The following NKAIN3 variants were observed in gnomAD, a reference collection of about 807,000 sequenced individuals.
NKAIN3 encodes the protein sodium/potassium-transporting ATPase subunit beta-1-interacting protein 3.
In NKAIN3, 25 loss-of-function variants were observed where a neutral mutation model predicts 30.2. The observed-to-expected ratio is 0.83, with a 90% CI of 0.60 to 1.16. The LOEUF is 1.16. Among genes scored for constraint, NKAIN3 ranks in the 50% most tolerant of loss-of-function variants. The pLI is 0.00. For missense variants in NKAIN3, 225 were observed against 254.1 expected (o/e 0.89, Z 0.78); for synonymous variants, 91 against 89.6 (o/e 1.02, Z -0.09).
chr8:62,439,761 T>C (rs1346141273), intron 1 of NKAIN3, among the ~76,000 whole-genome samples: 2 of 152,210 alleles, frequency 1.3e-5, no homozygotes, highest in Non-Finnish European at 2.9e-5. Flanking sequence ...AGAACAACCA[T>C]TGCCACTGAA....
chr8:62,946,893 G>A (rs1157366353), intron 5 of NKAIN3, among the ~76,000 whole-genome samples: 2 of 152,246 alleles, frequency 1.3e-5, no homozygotes, highest in East Asian at 1.9e-4. Flanking sequence ...ACTCAGTGAC[G>A]AGGCAGTGTG....
chr8:62,635,149 G>A lies in NKAIN3; in HGVS notation c.273+45355G>A, dbSNP rs1024942498. ...CTGTGACAGGGTATGGACTGCATCC[G>A]AAGAATAAAAAATAAATCAAAGATC... On this transcript the variant is annotated intron_variant, in intron 3 of 6. Coordinates refer to ENST00000623646, the MANE Select transcript of NKAIN3 (RefSeq NM_001304533.3). Among the ~76,000 whole-genome samples the A allele has an allele frequency of 5.9e-5, 9 of 152,106 alleles. No individual in the cohort carries two copies. In the South Asian group the frequency reaches 6.2e-4, roughly 11 times the overall value.
intron 3 of NKAIN3, among the ~76,000 whole-genome samples, chr8:62,647,022 A>C (rs989450303): frequency 6.6e-6 from 1 of 152,158 alleles, no homozygotes; most frequent in Non-Finnish European, 1.5e-5. Flanking sequence ...ATTCTTAAAG[A>C]CCGTGTGTGG....
At chr8:62,566,248 C>G (rs1047906291) in intron 1 of NKAIN3, among the ~76,000 whole-genome samples, 1 of 152,136 alleles carries the variant, frequency 6.6e-6, no homozygotes, top group Admixed American at 6.6e-5. Flanking sequence ...CTTGTCTTCT[C>G]AGGCAGAGGT....
At chr8:62,331,040 CCCT>C (rs2129589985) in intron 1 of NKAIN3, among the ~76,000 whole-genome samples, 2 of 150,242 alleles carry the variant, frequency 1.3e-5, no homozygotes, top group Admixed American at 1.3e-4. Flanking sequence ...CTCCCTTCCT[CCCT>C]CCTCTTCTAC....
chr8:62,320,297 C>T (rs1814829117), intron 1 of NKAIN3, among the ~76,000 whole-genome samples: 4 of 152,096 alleles, frequency 2.6e-5, no homozygotes. Context: ...ATTTGCCAGT[C>T]TGTGTCATCT....
chr8:62,790,024 G>A (rs1817652161), intron 4 of NKAIN3, among the ~76,000 whole-genome samples: 1 of 152,070 alleles, frequency 6.6e-6, no homozygotes, highest in Non-Finnish European at 1.5e-5. Flanking sequence ...GAGAATTTTA[G>A]ACCAATATCC....
intron 1 of NKAIN3, among the ~76,000 whole-genome samples, chr8:62,251,546 G>A (rs964950274): frequency 3.9e-5 from 6 of 152,054 alleles, no homozygotes; most frequent in Admixed American, 6.5e-5. Flanking sequence ...GAAAATATTC[G>A]AACTTTACTT....
Position 62,471,305 on chromosome 8 carries a change from A to G in NKAIN3, c.55-108234A>G, listed in dbSNP as rs1036539502. Reference sequence around the variant, plus strand: ...AATATCTGTAACAATTTACTTCTCTAAAAAAAAAAAATGATCTGGAGCAAA... The same window carrying G: ...AATATCTGTAACAATTTACTTCTCTGAAAAAAAAAAATGATCTGGAGCAAA... On this transcript the variant is annotated intron_variant, in intron 1 of 6. Coordinates refer to ENST00000623646, the MANE Select transcript of NKAIN3 (RefSeq NM_001304533.3). Among the ~76,000 whole-genome samples the G allele has an allele frequency of 8.3e-5, 12 of 143,842 alleles. No homozygotes were observed. In the South Asian group the frequency reaches 1.3e-3, roughly 16 times the overall value. The allele number at this position is 143,842 out of a possible 152,430, so 94.4% of individuals were successfully genotyped here.
chr8:62,369,973 T>A (rs768695683), intron 1 of NKAIN3, among the ~76,000 whole-genome samples: 7 of 152,076 alleles, frequency 4.6e-5, no homozygotes, highest in Admixed American at 3.9e-4. Flanking sequence ...GTACAGTAGT[T>A]CCATGGCAAC....
At chr8:62,611,455 C>G (rs1811286533) in intron 3 of NKAIN3, among the ~76,000 whole-genome samples, 1 of 152,054 alleles carries the variant, frequency 6.6e-6, no homozygotes, top group African/African-American at 2.4e-5. Flanking sequence ...CATCAGACTC[C>G]CGCTCTGGAA....
At chr8:62,506,926 A>G (rs1377046739) in intron 1 of NKAIN3, among the ~76,000 whole-genome samples, 1 of 152,174 alleles carries the variant, frequency 6.6e-6, no homozygotes, top group Non-Finnish European at 1.5e-5. Context: ...TGTAGAATTG[A>G]TAATGGGTTA....
Position 62,642,920 on chromosome 8 carries a change from TA to T in NKAIN3, c.273+53132del, listed in dbSNP as rs535981993. On this transcript the variant is annotated intron_variant, in intron 3 of 6. Transcript: ENST00000623646. Reference sequence around the variant, plus strand: ...TTTTCTATAATAAGATTGAATAAAATAAAAAATTTATTGGAACTATCTGAAA... The same window carrying T: ...TTTTCTATAATAAGATTGAATAAAATAAAAATTTATTGGAACTATCTGAAA... Among the ~76,000 whole-genome samples, 19 of 152,180 alleles carry T rather than the reference TA, an allele frequency of 1.2e-4. No individual in the cohort carries two copies. In the East Asian group the frequency reaches 3.7e-3, roughly 29 times the overall value.
intron 4 of NKAIN3, among the ~76,000 whole-genome samples, chr8:62,884,340 CCT>C (rs760615284): frequency 1.3e-5 from 2 of 151,922 alleles, no homozygotes; most frequent in East Asian, 1.9e-4. Flanking sequence ...CTCACCACAA[CCT>C]CTGTCTCCCG....
chr8:62,909,369 A>G (rs12680573), intron 4 of NKAIN3, among the ~76,000 whole-genome samples: 22,488 of 152,224 alleles, frequency 0.15, 2,123 homozygotes, highest in African/African-American at 0.25. Flanking sequence ...GTCATTTTAA[A>G]TTATATAACT....
At chr8:62,753,914 T>C (rs571448734) in intron 4 of NKAIN3, among the ~76,000 whole-genome samples, 79 of 152,234 alleles carry the variant, frequency 5.2e-4, no homozygotes, top group African/African-American at 1.8e-3. Flanking sequence ...ACTTGATGAA[T>C]AGAAAGTAAT....
intron 1 of NKAIN3, among the ~76,000 whole-genome samples, chr8:62,514,998 A>C (rs1247880850): frequency 6.6e-6 from 1 of 152,016 alleles, no homozygotes; most frequent in Non-Finnish European, 1.5e-5. Flanking sequence ...TTGGGAATTA[A>C]TTTTCATTTT....
At chr8:62,475,279 T>A (rs141919141) in intron 1 of NKAIN3, among the ~76,000 whole-genome samples, 1 of 152,322 alleles carries the variant, frequency 6.6e-6, no homozygotes, top group Non-Finnish European at 1.5e-5. Context: ...ACATGTTAAG[T>A]CTTCATGATA....
intron 3 of NKAIN3, among the ~76,000 whole-genome samples, chr8:62,675,180 C>T (rs550383544): frequency 1.8e-4 from 28 of 152,202 alleles, no homozygotes; most frequent in Non-Finnish European, 4.0e-4. Context: ...TTAATATATG[C>T]CAAAGAGCTT....
Sources: allele counts gnomAD v4.1 joint callset (sites outside exome capture counted in the v4.1 genomes callset), GRCh38; gene constraint gnomAD v4.1.1; transcripts MANE v1.5; gene names NCBI Gene and HGNC (gene_info 2026-07-23, HGNC 2026-07-21).